DESI1: variants seen among roughly 807,000 people sequenced by gnomAD.
DESI1 encodes the protein desumoylating isopeptidase 1.
Under a neutral mutation model 22.4 loss-of-function variants are expected in DESI1, and 17 were observed. That is an observed-to-expected ratio of 0.76 (90% CI 0.52 to 1.14). DESI1 has a LOEUF of 1.14. Among genes scored for constraint, DESI1 ranks in the 50% most tolerant of loss-of-function variants. The pLI is 0.00. For synonymous variants in DESI1, 92 were observed against 84.2 expected (o/e 1.09, Z -0.51); for missense variants, 177 against 208.9 (o/e 0.85, Z 0.94).
intron 1 of DESI1, among the ~76,000 whole-genome samples, chr22:41,613,684 C>A (rs948826960): frequency 6.6e-6 from 1 of 152,218 alleles, no homozygotes; most frequent in African/African-American, 2.4e-5. Context: ...ATTGCAATGA[C>A]TCTGCCACCC....
In DESI1 at chr22:41,620,810, C is replaced by A; in HGVS notation, c.30G>T (p.Lys10Asn). Residue 10 changes from lysine (K) to asparagine (N), a missense_variant, in exon 1 of 6, where the codon AAG becomes AAT. Transcript: ENST00000263256. MEPPNLYPV[K>N]LYVYDLSKGL... is the part of the protein sequence containing the mutation. ...CTTTGGACAGGTCGTACACGTAGAGCTTCACCGGATAGAGATTCGGCGGCT... is the reference window on the plus strand; with the variant it reads ...CTTTGGACAGGTCGTACACGTAGAGATTCACCGGATAGAGATTCGGCGGCT... 6.2e-7 allele frequency: 1 copy of A among 1,612,576 alleles called. No individual in the cohort carries two copies.
At chr22:41,607,065 CAGA>C (rs1289662261) in intron 3 of DESI1, among the ~76,000 whole-genome samples, 194 bp downstream of exon 3, 4 of 152,118 alleles carry the variant, frequency 2.6e-5, no homozygotes, top group Non-Finnish European at 5.9e-5. Context: ...CTCTGTGAGA[CAGA>C]AGGACCCACA....
At chr22:41,602,827 CAA>C (rs1371736353) in intron 5 of DESI1, 1 of 1,033,938 alleles carries the variant, frequency 9.7e-7, no homozygotes, top group African/African-American at 1.7e-5. Context: ...TTGAGGGAGT[CAA>C]AGAGTTCATG....
In DESI1 at chr22:41,610,619, C is replaced by T. The variant is rs146487758; in HGVS notation, c.89-2758G>A. Among the ~76,000 whole-genome samples, 1,010 of 152,090 alleles carry T rather than the reference C, an allele frequency of 6.6e-3. 11 individuals are homozygous for T. The highest frequency in any genetic ancestry group is 0.022 in the African/African-American group (923 of 41,506). On this transcript the variant is annotated intron_variant, in intron 1 of 5. Transcript: ENST00000263256. Reference sequence around the variant, plus strand: ...CACCAAGAGATCTGCTGCTCTGGCCCGGAAGACCACAAGTGGGCCGGGCGT... The same window carrying T: ...CACCAAGAGATCTGCTGCTCTGGCCTGGAAGACCACAAGTGGGCCGGGCGT...
At position 41,610,734 on chromosome 22, in the gene DESI1, G is replaced by A. The variant is rs374992266; in HGVS notation, c.89-2873C>T. On this transcript the variant is annotated intron_variant, in intron 1 of 5. Coordinates refer to ENST00000263256, the MANE Select transcript of DESI1 (RefSeq NM_015704.3). ...CTAAAAATACAAAAATTAGCTGGGC[G>A]TGGTGGCAGGCGCCTGTAATCCCAG... Among the ~76,000 whole-genome samples, 6 of 151,444 alleles carry A rather than the reference G, an allele frequency of 4.0e-5. No homozygotes were observed. In the South Asian group the frequency reaches 8.4e-4, roughly 21 times the overall value.
In DESI1 at chr22:41,604,162, G is replaced by C; in HGVS notation, c.181-9C>G. The stretch of plus-strand genomic sequence containing the variant: ...CCAAGCAATGTCCCTCCCTAAAAGA[G>C]CCAACCCAAAGGAAGTCATTAAGTT... On this transcript the variant is annotated splice_polypyrimidine_tract_variant and intron_variant, in intron 3 of 5. Coordinates refer to ENST00000263256, the MANE Select transcript of DESI1 (RefSeq NM_015704.3). 1 of 1,608,410 alleles carries C rather than the reference G, an allele frequency of 6.2e-7. No homozygotes were observed. The highest frequency in any genetic ancestry group is 1.1e-5 in the South Asian group (1 of 90,922).
intron 1 of DESI1, among the ~76,000 whole-genome samples, 159 bp downstream of exon 1, chr22:41,620,593 C>T (rs2067582329): frequency 6.6e-6 from 1 of 152,120 alleles, no homozygotes; most frequent in African/African-American, 2.4e-5. Context: ...GCTCAGATGG[C>T]CCAAACTTCA....
chr22:41,606,798 A>G (rs1037169526), intron 3 of DESI1, among the ~76,000 whole-genome samples: 4 of 151,240 alleles, frequency 2.6e-5, no homozygotes, highest in Admixed American at 2.0e-4. Context: ...AAAAAAAAAA[A>G]AAAGAAATTT....
chr22:41,620,744 C>T lies in DESI1; in HGVS notation c.88+8G>A, dbSNP rs527988164. On this transcript the variant is annotated splice_region_variant and intron_variant, in intron 1 of 5. Coordinates refer to ENST00000263256, the MANE Select transcript of DESI1 (RefSeq NM_015704.3). Reference sequence around the variant, plus strand: ...GCCCTCCTGCCCACCTGGCCCCTTCCCCCTCACCCAGCATGATGGGGCTGA... The same window carrying T: ...GCCCTCCTGCCCACCTGGCCCCTTCTCCCTCACCCAGCATGATGGGGCTGA... 1 of 1,604,618 alleles carries T rather than the reference C, an allele frequency of 6.2e-7. No individual in the cohort carries two copies. Among genetic ancestry groups the T allele is most frequent in the South Asian group, 1.1e-5 (1 of 89,636 alleles).
chr22:41,603,440 T>A lies in DESI1; in HGVS notation c.291-59A>T, dbSNP rs139861099. 2,495 of 1,610,134 alleles carry A rather than the reference T, an allele frequency of 1.5e-3. 12 individuals carry two copies. Among genetic ancestry groups the A allele is most frequent in the Middle Eastern group, 5.0e-3 (30 of 6,054 alleles). ...GAAACCAGCAAGCGTCTATGTGGAA[T>A]AACTCAAGCTAGGCAGTGGAATGGT... On this transcript the variant is annotated intron_variant, in intron 4 of 5. Coordinates refer to ENST00000263256, the MANE Select transcript of DESI1 (RefSeq NM_015704.3).
chr22:41,613,237 G>T (rs965043372), intron 1 of DESI1, among the ~76,000 whole-genome samples: 1 of 152,098 alleles, frequency 6.6e-6, no homozygotes, highest in Non-Finnish European at 1.5e-5. Context: ...TCTATTGGAC[G>T]CACTGTTTAA....
At chr22:41,615,348 A>G (rs542318978) in intron 1 of DESI1, among the ~76,000 whole-genome samples, 224 of 151,346 alleles carry the variant, frequency 1.5e-3, no homozygotes, top group African/African-American at 4.9e-3. Context: ...CAGCAGGCTG[A>G]GGCAGGAGAA....
chr22:41,604,250 CTTT>C (rs1264626626), intron 3 of DESI1, 97 bp from the exon 4 acceptor site: 18,632 of 281,100 alleles, frequency 0.066, 777 homozygotes, highest in African/African-American at 0.22. Context: ...TCTGTTCTGA[CTTT>C]TTTTTTTTTT....
chr22:41,607,150 A>G (rs1415350068), intron 3 of DESI1, 112 bp downstream of exon 3: 1 of 985,446 alleles, frequency 1.0e-6, no homozygotes, highest in South Asian at 2.1e-5. Context: ...CCAAGTCTTC[A>G]GGTGGCTTTG....
At chr22:41,613,828 C>T (rs1285354070) in intron 1 of DESI1, among the ~76,000 whole-genome samples, 2 of 152,164 alleles carry the variant, frequency 1.3e-5, no homozygotes, top group Non-Finnish European at 2.9e-5. Flanking sequence ...GAAGAGGGGC[C>T]TCAGTTATTT....
intron 4 of DESI1, 104 bp from the exon 5 acceptor site, chr22:41,603,485 G>T: frequency 6.5e-7 from 1 of 1,538,016 alleles, no homozygotes. Flanking sequence ...TCAATGTGAG[G>T]ATTGCGATTT....
chr22:41,605,464 T>A (rs1415455071), intron 3 of DESI1, among the ~76,000 whole-genome samples: 1 of 152,146 alleles, frequency 6.6e-6, no homozygotes, highest in Non-Finnish European at 1.5e-5. Context: ...CCTGAAAAGA[T>A]CATTCATTCA....
intron 1 of DESI1, among the ~76,000 whole-genome samples, chr22:41,618,968 G>A (rs2067565834): frequency 6.6e-6 from 1 of 152,142 alleles, no homozygotes; most frequent in Middle Eastern, 3.2e-3. Flanking sequence ...GGAGGCTGAG[G>A]CAGGAGAATG....
In DESI1 at chr22:41,613,484, A is replaced by G. The variant is rs562157351; in HGVS notation, c.89-5623T>C. Among the ~76,000 whole-genome samples the G allele has an allele frequency of 4.6e-5, 7 of 152,368 alleles. No homozygotes were observed. In the East Asian group the frequency reaches 1.3e-3, roughly 29 times the overall value. ...GTGTCCTTCTCCCCAGTTAGACTAC[A>G]GTTGCCTCAGTAACCAGGACAGTTT... is the stretch of plus-strand genomic sequence containing the variant. On this transcript the variant is annotated intron_variant, in intron 1 of 5. Transcript: ENST00000263256.
Sources: gnomAD v4.1 joint callset for allele counts (sites outside exome capture counted in the v4.1 genomes callset) on GRCh38, gnomAD v4.1.1 for gene constraint, MANE v1.5 for transcripts, NCBI Gene and HGNC (gene_info 2026-07-23, HGNC 2026-07-21) for gene names.